The following KCNN3 variants were observed in gnomAD, a reference collection of about 807,000 sequenced individuals.
KCNN3 encodes the protein small conductance calcium-activated potassium channel protein 3.
A neutral mutation model predicts 62.9 loss-of-function variants in KCNN3; 16 were observed. That is an observed-to-expected ratio of 0.25 (90% CI 0.17 to 0.39). The LOEUF is 0.39. KCNN3 is among the 10% of genes least tolerant of loss of function. The pLI is 1.00. For synonymous variants in KCNN3, 370 were observed against 389.2 expected (o/e 0.95, Z 0.58); for missense variants, 599 against 949.4 (o/e 0.63, Z 4.85).
intron 2 of KCNN3, among the ~76,000 whole-genome samples, chr1:154,779,787 G>A (rs544408290): frequency 2.6e-5 from 4 of 152,286 alleles, no homozygotes; most frequent in South Asian, 2.1e-4. Flanking sequence ...TTCCATCCTT[G>A]GACGGCCAGC....
intron 2 of KCNN3, among the ~76,000 whole-genome samples, chr1:154,785,725 A>G (rs886262761): frequency 2.6e-5 from 4 of 151,140 alleles, no homozygotes; most frequent in South Asian, 4.2e-4. Context: ...TGGGATTAGT[A>G]CCCAGCTACC....
chr1:154,765,039 G>A (rs1444476559), intron 3 of KCNN3, among the ~76,000 whole-genome samples: 1 of 152,128 alleles, frequency 6.6e-6, no homozygotes, highest in East Asian at 1.9e-4. Flanking sequence ...GGTTCCTGAG[G>A]GAGAGTCAGC....
chr1:154,812,298 G>A (rs1308628237), intron 2 of KCNN3, among the ~76,000 whole-genome samples: 1 of 151,770 alleles, frequency 6.6e-6, no homozygotes, highest in South Asian at 2.1e-4. Flanking sequence ...TAGGGTACAT[G>A]TGCACAACGT....
At chr1:154,777,127 G>A (rs577619930) in intron 2 of KCNN3, among the ~76,000 whole-genome samples, 6 of 152,148 alleles carry the variant, frequency 3.9e-5, no homozygotes, top group African/African-American at 9.7e-5. Context: ...TGGGCTCAGC[G>A]TCCTCCTCTG....
intron 2 of KCNN3, among the ~76,000 whole-genome samples, chr1:154,799,685 C>T (rs1649873703): frequency 6.6e-6 from 1 of 152,240 alleles, no homozygotes; most frequent in Non-Finnish European, 1.5e-5. Context: ...CTGCCTCCTT[C>T]CTGAATCCGC....
chr1:154,828,344 CTT>C (rs1400004347), intron 1 of KCNN3, among the ~76,000 whole-genome samples: 3 of 145,146 alleles, frequency 2.1e-5, no homozygotes. Context: ...ACACTCATTC[CTT>C]TTTTTTTTTT....
chr1:154,851,804 A>G (rs570497079), intron 1 of KCNN3, among the ~76,000 whole-genome samples: 3 of 152,268 alleles, frequency 2.0e-5, no homozygotes, highest in South Asian at 2.1e-4. Flanking sequence ...TGTCTGTTCC[A>G]AACACTGCAG....
chr1:154,847,066 C>T (rs1652095811), intron 1 of KCNN3, among the ~76,000 whole-genome samples: 1 of 151,888 alleles, frequency 6.6e-6, no homozygotes, highest in Non-Finnish European at 1.5e-5. Flanking sequence ...TGGGCTCCTC[C>T]CAGGCCTGCC....
In KCNN3 at chr1:154,862,623, G is replaced by A. The variant is rs1652810348; in HGVS notation, c.933+6409C>T. Among the ~76,000 whole-genome samples, 2 of 152,048 alleles carry A rather than the reference G, an allele frequency of 1.3e-5. No individual in the cohort carries two copies. The highest frequency in any genetic ancestry group is 6.5e-5 in the Admixed American group (1 of 15,276). Reference sequence around the variant, plus strand: ...CAACCTGCCCGGTATCACCCTGAGGGCAGCAGCACCAGACCCCAGAGAGGA... The same window carrying A: ...CAACCTGCCCGGTATCACCCTGAGGACAGCAGCACCAGACCCCAGAGAGGA... On this transcript the variant is annotated intron_variant, in intron 1 of 7. Coordinates refer to ENST00000271915, the MANE Select transcript of KCNN3 (RefSeq NM_002249.6). This position sits in a 1 kb window ranked among gnomAD's most constrained non-coding sequence, Gnocchi z 4.1.
At chr1:154,784,668 C>T (rs944902710) in intron 2 of KCNN3, among the ~76,000 whole-genome samples, 4 of 152,216 alleles carry the variant, frequency 2.6e-5, no homozygotes, top group Non-Finnish European at 5.9e-5. Context: ...TGCTAGCCCC[C>T]GTTTCAGGGG....
chr1:154,840,409 G>A (rs1326600195), intron 1 of KCNN3, among the ~76,000 whole-genome samples: 1 of 152,160 alleles, frequency 6.6e-6, no homozygotes, highest in African/African-American at 2.4e-5. Context: ...CACAGTCCCC[G>A]AAGCAGGGAG....
intron 2 of KCNN3, among the ~76,000 whole-genome samples, chr1:154,791,648 G>A (rs1212103773): frequency 6.6e-6 from 1 of 152,198 alleles, no homozygotes; most frequent in African/African-American, 2.4e-5. Context: ...GAAAGGGAAC[G>A]AAAGGCCCCG....
chr1:154,777,262 G>A (rs1648830815), intron 2 of KCNN3, among the ~76,000 whole-genome samples: 1 of 151,898 alleles, frequency 6.6e-6, no homozygotes, highest in South Asian at 2.1e-4. Context: ...CGGTGCACCT[G>A]AGCTCTCCAG....
chr1:154,751,221 C>T (rs762860237), intron 3 of KCNN3, among the ~76,000 whole-genome samples: 12 of 152,166 alleles, frequency 7.9e-5, no homozygotes, highest in African/African-American at 1.4e-4. Flanking sequence ...TTGGTTTCCT[C>T]GTGTGTACAA....
chr1:154,717,410 A>C (rs1700254146), intron 5 of KCNN3, among the ~76,000 whole-genome samples: 1 of 152,248 alleles, frequency 6.6e-6, no homozygotes. Flanking sequence ...TGTGAGAGCC[A>C]GAATCACACA....
intron 2 of KCNN3, among the ~76,000 whole-genome samples, chr1:154,780,521 C>T (rs898422566): frequency 4.0e-5 from 6 of 148,600 alleles, no homozygotes; most frequent in East Asian, 3.9e-4. Context: ...TTTAAAAAAA[C>T]GACACAGAAA....
At chr1:154,814,612 C>T (rs1650581390) in intron 2 of KCNN3, among the ~76,000 whole-genome samples, 2 of 152,308 alleles carry the variant, frequency 1.3e-5, no homozygotes, top group South Asian at 2.1e-4. Context: ...AGGCCCAAGG[C>T]CTCATAGATG....
Position 154,869,166 on chromosome 1 carries a change from C to A in KCNN3, c.799G>T (p.Gly267Cys). 1 of 1,614,050 alleles carries A rather than the reference C, an allele frequency of 6.2e-7. No individual in the cohort carries two copies. The highest frequency in any genetic ancestry group is 8.5e-7 in the Non-Finnish European group (1 of 1,180,022). Reference sequence around the variant, plus strand: ...GCCCTCCTGTGTCCCAGCTTATAGCCAATGTTTTGGTTTTTCCGCTTGTTG... The same window carrying A: ...GCCCTCCTGTGTCCCAGCTTATAGCAAATGTTTTGGTTTTTCCGCTTGTTG... ...KANKRKNQNI[G>C]YKLGHRRALF... Residue 267 changes from glycine to cysteine, a missense_variant, in exon 1 of 8, where the codon GGC (glycine) becomes TGC (cysteine). Around this residue, in one of 7 missense-constraint regions of KCNN3, gnomAD observed 80 missense variants for 85.4 expected, o/e 0.94. Transcript: ENST00000271915. The surrounding 1 kb of genome is among the most constrained non-coding windows in gnomAD (Gnocchi z 6.1).
chr1:154,760,078 T>C (rs1165062595), intron 3 of KCNN3, among the ~76,000 whole-genome samples: 1 of 151,918 alleles, frequency 6.6e-6, no homozygotes, highest in Non-Finnish European at 1.5e-5. Context: ...AATGGTGCGA[T>C]CTTGGCTCAC....
Sources: allele counts gnomAD v4.1 joint callset (sites outside exome capture counted in the v4.1 genomes callset), GRCh38; gene constraint gnomAD v4.1.1; regional missense constraint gnomAD v4.1.1; non-coding constraint Gnocchi (gnomAD v3.1); transcripts MANE v1.5; gene names NCBI Gene and HGNC (gene_info 2026-07-23, HGNC 2026-07-21).